The following KATNA1 variants were observed in gnomAD, a reference collection of about 807,000 sequenced individuals.
KATNA1 encodes katanin catalytic subunit A1, also known as katanin p60 ATPase-containing subunit A1.
KATNA1 carries 42 observed loss-of-function variants against 62.6 expected under a neutral mutation model. The ratio of observed to expected loss-of-function variants is 0.67; its 90% CI spans 0.52 to 0.87. KATNA1 has a LOEUF of 0.87. KATNA1 is among the 40% of genes least tolerant of loss of function. KATNA1 has a pLI of 0.00. For missense variants in KATNA1, 498 were observed against 612.5 expected, an observed-to-expected ratio of 0.81 and a Z score of 1.97; for synonymous variants, 186 against 201.9, an observed-to-expected ratio of 0.92 and a Z score of 0.67.
chr6:149,608,047 C>T (rs972192474), intron 4 of KATNA1, among the ~76,000 whole-genome samples: 1 of 152,150 alleles, frequency 6.6e-6, no homozygotes, highest in African/African-American at 2.4e-5. Context: ...GCCTGGGCGA[C>T]AGAGTGAGAC....
In KATNA1 at chr6:149,632,640, C is replaced by T. The variant is rs1002856639; in HGVS notation, c.320+119G>A. On this transcript the variant is annotated intron_variant, in intron 3 of 10. Coordinates refer to ENST00000367411, the MANE Select transcript of KATNA1 (RefSeq NM_007044.4). Reference sequence around the variant, plus strand: ...GACCAGTGAGTTATAAAAGAGAGAACGTTCAGTAAAGAAAACTCCCTCCCA... The same window carrying T: ...GACCAGTGAGTTATAAAAGAGAGAATGTTCAGTAAAGAAAACTCCCTCCCA... 9.3e-6 allele frequency: 7 copies of T among 755,476 alleles called. No homozygotes were observed. In the Middle Eastern group the frequency reaches 1.2e-3, roughly 125 times the overall value. 46.8% of individuals were successfully genotyped at this position (755,476 alleles called of 1,614,324 possible).
intron 4 of KATNA1, among the ~76,000 whole-genome samples, chr6:149,607,443 CT>C (rs1036699365): frequency 4.6e-5 from 7 of 152,100 alleles, no homozygotes; most frequent in Admixed American, 3.3e-4. Flanking sequence ...GAAACCCCCT[CT>C]CTACTAAAAA....
In KATNA1 at chr6:149,638,730, G is replaced by GTTTTTT. The variant is rs1217719467; in HGVS notation, c.-13-176_-13-171dup. 1.6e-3 allele frequency: 164 copies of GTTTTTT among 99,814 alleles called. 2 individuals carry two copies. The highest frequency in any genetic ancestry group is 2.4e-3 in the East Asian group (8 of 3,270). 6.2% of individuals were successfully genotyped at this position (99,814 alleles called of 1,614,324 possible). A position where few individuals can be genotyped will look rare whatever the true frequency, so the allele number is the denominator to read the frequency against. ...ATTTCACTCCTTTAAAAAAAACATT[G>GTTTTTT]TTTTTTTTTTTTTTTTTTTTTTTTG... On this transcript the variant is annotated intron_variant, in intron 1 of 10. Transcript: ENST00000367411.
intron 1 of KATNA1, among the ~76,000 whole-genome samples, chr6:149,643,018 C>T (rs926525098): frequency 4.6e-5 from 7 of 152,156 alleles, no homozygotes; most frequent in Non-Finnish European, 5.9e-5. Flanking sequence ...ATACCATTTC[C>T]GAGATTAGAC....
chr6:149,622,617 T>G (rs1779442064), intron 4 of KATNA1, among the ~76,000 whole-genome samples: 1 of 151,968 alleles, frequency 6.6e-6, no homozygotes, highest in Non-Finnish European at 1.5e-5. Flanking sequence ...ATTTGTTGAA[T>G]TGCAAGTGGG....
intron 10 of KATNA1, among the ~76,000 whole-genome samples, 185 bp downstream of exon 10, chr6:149,596,878 G>C (rs1219843390): frequency 6.6e-6 from 1 of 151,932 alleles, no homozygotes; most frequent in African/African-American, 2.4e-5. Flanking sequence ...TCTTAATTCA[G>C]CATAAAAACT....
Position 149,598,214 on chromosome 6 carries a change from A to T in KATNA1, c.1015+10T>A, listed in dbSNP as rs1398083508. On this transcript the variant is annotated intron_variant, in intron 8 of 10. Coordinates refer to ENST00000367411, the MANE Select transcript of KATNA1 (RefSeq NM_007044.4). The stretch of plus-strand genomic sequence containing the variant: ...CCCGTCCCTGTTCAACTCAAGCTAA[A>T]CACAGATACCATCCATCTGAACCAG... The T allele has an allele frequency of 1.9e-6, 3 of 1,613,528 alleles. No homozygotes were observed. The East Asian group carries it at 6.7e-5, about 36-fold the overall frequency.
chr6:149,595,264 A>G, intron 10 of KATNA1, 30 bp from the exon 11 acceptor site: 13 of 1,571,330 alleles, frequency 8.3e-6, no homozygotes, highest in Non-Finnish European at 1.1e-5. Context: ...CAACAACAAC[A>G]CACACAATGT....
intron 4 of KATNA1, among the ~76,000 whole-genome samples, chr6:149,618,252 CG>C (rs1779256809): frequency 6.6e-6 from 1 of 150,990 alleles, no homozygotes; most frequent in African/African-American, 2.4e-5. Context: ...TTGAGACGGG[CG>C]GATCACCTGA....
chr6:149,617,161 G>T (rs1277331596), intron 4 of KATNA1, among the ~76,000 whole-genome samples: 2 of 152,194 alleles, frequency 1.3e-5, no homozygotes, highest in Admixed American at 1.3e-4. Flanking sequence ...AGGGGAGAAT[G>T]ATAAGAATGA....
chr6:149,617,983 TAA>T (rs1173209538), intron 4 of KATNA1, among the ~76,000 whole-genome samples: 4 of 122,454 alleles, frequency 3.3e-5, no homozygotes, highest in African/African-American at 1.2e-4. Context: ...AATAAATAAA[TAA>T]ATAAATATAT....
chr6:149,597,721 C>T (rs578015834), intron 8 of KATNA1, 80 bp from the exon 9 acceptor site: 1 of 1,358,466 alleles, frequency 7.4e-7, no homozygotes, highest in South Asian at 1.3e-5. Context: ...TAAAGATCAA[C>T]AACTATTTAG....
Position 149,632,072 on chromosome 6 carries a change from G to A in KATNA1, c.320+687C>T, listed in dbSNP as rs147426165. Among the ~76,000 whole-genome samples the A allele has an allele frequency of 3.2e-3, 491 of 152,268 alleles. 2 individuals are homozygous for A. The highest frequency in any genetic ancestry group is 0.011 in the African/African-American group (467 of 41,554). ...GATCCCTGTTTGAGAACCACTGTTA[G>A]TCTAACTTCCTCTCTTTGCGTAAGA... On this transcript the variant is annotated intron_variant, in intron 3 of 10. Coordinates refer to ENST00000367411, the MANE Select transcript of KATNA1 (RefSeq NM_007044.4).
chr6:149,647,521 CAAAAAAAAAAAA>C (rs10719474), intron 1 of KATNA1, among the ~76,000 whole-genome samples: 14 of 46,858 alleles, frequency 3.0e-4, no homozygotes, highest in African/African-American at 9.2e-4. Context: ...GACTCCGTCT[CAAAAAAAAAAAA>C]AAAAAAAAAA....
chr6:149,645,456 C>CAAAAA (rs201041700), intron 1 of KATNA1, among the ~76,000 whole-genome samples: 1 of 123,800 alleles, frequency 8.1e-6, no homozygotes. Flanking sequence ...AAACAAAAAA[C>CAAAAA]AAAAAAAAAA....
At chr6:149,633,256 C>T (rs12662174) in intron 2 of KATNA1, among the ~76,000 whole-genome samples, 67,483 of 151,112 alleles carry the variant, frequency 0.45, 16,115 homozygotes, top group East Asian at 0.81. Context: ...TACAGGCGCC[C>T]GCCACCACGC....
chr6:149,636,000 A>G (rs1780051767), intron 2 of KATNA1, among the ~76,000 whole-genome samples: 1 of 152,114 alleles, frequency 6.6e-6, no homozygotes, highest in Non-Finnish European at 1.5e-5. Context: ...GGTTGCAGTG[A>G]GCTGAGACCG....
At chr6:149,644,029 G>A (rs1156689769) in intron 1 of KATNA1, among the ~76,000 whole-genome samples, 1 of 151,856 alleles carries the variant, frequency 6.6e-6, no homozygotes, top group African/African-American at 2.4e-5. Context: ...ACCTTGTCCA[G>A]TTCCTGACCC....
intron 4 of KATNA1, among the ~76,000 whole-genome samples, chr6:149,615,468 G>A (rs185845153): frequency 6.8e-4 from 103 of 152,126 alleles, no homozygotes; most frequent in African/African-American, 2.3e-3. Flanking sequence ...GCCTCCCAAA[G>A]TGCTAGGATT....
Sources: allele counts gnomAD v4.1 joint callset (sites outside exome capture counted in the v4.1 genomes callset), GRCh38; gene constraint gnomAD v4.1.1; transcripts MANE v1.5; gene names NCBI Gene and HGNC (gene_info 2026-07-23, HGNC 2026-07-21).